WFDC8: variants seen among roughly 807,000 people sequenced by gnomAD.
WFDC8 encodes WAP four-disulfide core domain 8.
A neutral mutation model predicts 27.0 loss-of-function variants in WFDC8; 24 were observed. That is an observed-to-expected ratio of 0.89 (90% CI 0.64 to 1.25). WFDC8 has a LOEUF of 1.25. Among genes scored for constraint, WFDC8 ranks in the 50% most tolerant of loss-of-function variants. The probability of loss-of-function intolerance (pLI) is 0.00; values close to 1 mark genes in which losing one functional copy is unlikely to be tolerated. For synonymous variants in WFDC8, 106 were observed against 99.7 expected, an observed-to-expected ratio of 1.06 and a Z score of -0.38; for missense variants, 287 against 295.9, an observed-to-expected ratio of 0.97 and a Z score of 0.22.
chr20:45,573,201 T>TA (rs1980928178), intron 1 of WFDC8, among the ~76,000 whole-genome samples: 1 of 152,268 alleles, frequency 6.6e-6, no homozygotes, highest in African/African-American at 2.4e-5. Flanking sequence ...CACACCCATG[T>TA]AATGGAGCTT....
intron 1 of WFDC8, among the ~76,000 whole-genome samples, chr20:45,578,877 G>GCTCCAA (rs1981136190): frequency 6.6e-6 from 1 of 152,046 alleles, no homozygotes; most frequent in South Asian, 2.1e-4. Context: ...CCCTACTTGG[G>GCTCCAA]CTCCAACAGC....
At chr20:45,552,869 T>C (rs1006091782) in intron 5 of WFDC8, among the ~76,000 whole-genome samples, 1 of 152,206 alleles carries the variant, frequency 6.6e-6, no homozygotes, top group Non-Finnish European at 1.5e-5. Context: ...TTGCAAGTCA[T>C]TGAGGAATGA....
chr20:45,561,520 C>G (rs1600891194), intron 2 of WFDC8, among the ~76,000 whole-genome samples: 3 of 152,120 alleles, frequency 2.0e-5, no homozygotes, highest in Admixed American at 6.5e-5. Flanking sequence ...TCCTTCCTCT[C>G]CGCCACCCCA....
intron 1 of WFDC8, among the ~76,000 whole-genome samples, chr20:45,566,681 A>G (rs1365179588): frequency 6.6e-6 from 1 of 152,196 alleles, no homozygotes; most frequent in African/African-American, 2.4e-5. Flanking sequence ...AAAACAAAAA[A>G]TAATAAAATA....
chr20:45,564,913 GAAGA>G (rs896186557), intron 1 of WFDC8, among the ~76,000 whole-genome samples: 2 of 142,718 alleles, frequency 1.4e-5, no homozygotes, highest in African/African-American at 2.6e-5. Context: ...GGAGAAAAAA[GAAGA>G]AAGAGAGAGT....
At chr20:45,577,493 G>A (rs1981084489) in intron 1 of WFDC8, among the ~76,000 whole-genome samples, 1 of 149,766 alleles carries the variant, frequency 6.7e-6, no homozygotes, top group Admixed American at 6.6e-5. Context: ...CCGCCTTCTG[G>A]GTTCAAGTGA....
At chr20:45,577,022 C>CA (rs1981068320) in intron 1 of WFDC8, among the ~76,000 whole-genome samples, 1 of 151,366 alleles carries the variant, frequency 6.6e-6, no homozygotes, top group African/African-American at 2.4e-5. Context: ...AATCAATACT[C>CA]ATGATGCTTT....
intron 4 of WFDC8, among the ~76,000 whole-genome samples, 181 bp from the exon 5 acceptor site, chr20:45,553,457 G>C (rs990348505): frequency 2.0e-5 from 3 of 152,204 alleles, no homozygotes; most frequent in South Asian, 4.1e-4. Flanking sequence ...ATATGGTAGA[G>C]AGCATGCTGG....
chr20:45,567,342 C>T (rs553432700), intron 1 of WFDC8, among the ~76,000 whole-genome samples: 1 of 152,262 alleles, frequency 6.6e-6, no homozygotes, highest in South Asian at 2.1e-4. Flanking sequence ...AGATCACCCA[C>T]CATTTTCCAA....
chr20:45,566,299 A>G (rs1169179434), intron 1 of WFDC8, among the ~76,000 whole-genome samples: 1 of 152,204 alleles, frequency 6.6e-6, no homozygotes, highest in African/African-American at 2.4e-5. Flanking sequence ...ATTGATTAAT[A>G]ATTAAATTAG....
chr20:45,557,607 A>G (rs917509508), intron 3 of WFDC8, among the ~76,000 whole-genome samples: 5 of 151,934 alleles, frequency 3.3e-5, no homozygotes, highest in Non-Finnish European at 7.4e-5. Context: ...TAATTTTTGT[A>G]TTTTTAGTAG....
rs922415451 is a variant in WFDC8 at position 45,559,043 on chromosome 20, T to C, written c.137-51A>G. On this transcript the variant is annotated intron_variant, in intron 2 of 5. Coordinates refer to ENST00000289953, the MANE Select transcript of WFDC8 (RefSeq NM_130896.3). ...ACATTCTTTCGGAATTTCAGCTCTT[T>C]TTCTCCTATGGCAAAGGTGTGTAGT... 2.5e-6 allele frequency: 4 copies of C among 1,607,262 alleles called. No individual in the cohort carries two copies. In the Admixed American group the frequency reaches 5.0e-5, roughly 20 times the overall value.
intron 5 of WFDC8, 147 bp from the exon 6 acceptor site, chr20:45,552,312 G>A: frequency 1.1e-6 from 1 of 941,410 alleles, no homozygotes. Context: ...ACTGGAGGAG[G>A]CAGAGTATCA....
chr20:45,578,535 A>C (rs1204712061), intron 1 of WFDC8, among the ~76,000 whole-genome samples: 1 of 151,234 alleles, frequency 6.6e-6, no homozygotes, highest in Admixed American at 6.6e-5. Flanking sequence ...GCAGAAACTC[A>C]CAGTGCAAAA....
chr20:45,562,037 C>T, intron 2 of WFDC8, 73 bp downstream of exon 2: 1 of 1,400,278 alleles, frequency 7.1e-7, no homozygotes, highest in South Asian at 1.2e-5. Context: ...GACACTGGCA[C>T]TGGCCTCATG....
intron 1 of WFDC8, 36 bp from the exon 2 acceptor site, chr20:45,562,255 A>C (rs772738825): frequency 1.3e-6 from 2 of 1,560,550 alleles, no homozygotes; most frequent in African/African-American, 2.7e-5. Flanking sequence ...AGTTAAGCAC[A>C]ATCCAGAGAG....
intron 1 of WFDC8, among the ~76,000 whole-genome samples, chr20:45,563,881 G>C (rs531927214): frequency 5.6e-4 from 85 of 152,218 alleles, no homozygotes; most frequent in Middle Eastern, 3.4e-3. Context: ...AGATCTCGTG[G>C]GATGGAGGCA....
At position 45,553,165 on chromosome 20, in the gene WFDC8, CA is replaced by C. The variant is rs758219419; in HGVS notation, c.556del (p.Cys186ValfsTer49). The C allele has an allele frequency of 6.8e-6, 11 of 1,613,718 alleles. No individual in the cohort carries two copies. The highest frequency in any genetic ancestry group is 9.3e-6 in the Non-Finnish European group (11 of 1,179,762). On this transcript the variant is annotated frameshift_variant, in exon 5 of 6. Coordinates refer to ENST00000289953, the MANE Select transcript of WFDC8 (RefSeq NM_130896.3). LOFTEE classifies it low-confidence loss of function (END_TRUNC). Reference sequence around the variant, plus strand: ...CCAGGCCCTGGCACAAACAAAGCCACACCTGGATTCACAACATTTGTCTGTC... The same window carrying C: ...CCAGGCCCTGGCACAAACAAAGCCACCCTGGATTCACAACATTTGTCTGTC... Reference protein sequence around the residue: ...PQTDKCCESRCGFVCARAWTV... With the variant: ...PQTDKCCESRXGFVCARAWTV...
chr20:45,565,464 C>T (rs757799880), intron 1 of WFDC8, among the ~76,000 whole-genome samples: 1 of 152,110 alleles, frequency 6.6e-6, no homozygotes, highest in Non-Finnish European at 1.5e-5. Flanking sequence ...CAATGAGCCA[C>T]CCTGAAGTTC....
Sources: allele counts gnomAD v4.1 joint callset (sites outside exome capture counted in the v4.1 genomes callset), GRCh38; gene constraint gnomAD v4.1.1; transcripts MANE v1.5; gene names NCBI Gene and HGNC (gene_info 2026-07-23, HGNC 2026-07-21).